MORC3: variants seen among roughly 807,000 people sequenced by gnomAD.
MORC3 encodes the protein MORC family CW-type zinc finger protein 3.
Under a neutral mutation model 109.1 loss-of-function variants are expected in MORC3, and 31 were observed. That is an observed-to-expected ratio of 0.28 (90% CI 0.21 to 0.38). The LOEUF is 0.38. Ranked by LOEUF, MORC3 falls within the 10% of genes least tolerant of loss-of-function variation. The pLI, the probability that MORC3 is intolerant of heterozygous loss-of-function variation, is 1.00. For missense variants in MORC3, 867 were observed against 1,135.8 expected (o/e 0.76, Z 3.40); for synonymous variants, 395 against 380.7 (o/e 1.04, Z -0.44).
intron 6 of MORC3, among the ~76,000 whole-genome samples, chr21:36,344,105 C>CT: frequency 6.6e-6 from 1 of 151,826 alleles, no homozygotes; most frequent in Non-Finnish European, 1.5e-5. Flanking sequence ...GTAGGAGAAG[C>CT]TTTTAAGTTT....
chr21:36,353,690 C>T (rs1038165747), intron 9 of MORC3, among the ~76,000 whole-genome samples: 4 of 150,904 alleles, frequency 2.7e-5, no homozygotes, highest in African/African-American at 7.3e-5. Flanking sequence ...AGCAATTCTC[C>T]CTATCTCAGC....
intron 1 of MORC3, among the ~76,000 whole-genome samples, chr21:36,323,261 C>G (rs1036250119): frequency 6.6e-6 from 1 of 152,184 alleles, no homozygotes; most frequent in Non-Finnish European, 1.5e-5. Context: ...GACTGCCATT[C>G]TGAAGCCTAC....
At chr21:36,356,299 T>C (rs1354252598) in intron 9 of MORC3, among the ~76,000 whole-genome samples, 2 of 152,234 alleles carry the variant, frequency 1.3e-5, no homozygotes, top group Non-Finnish European at 2.9e-5. Flanking sequence ...TAAAATAGAC[T>C]AGTATTTGCA....
chr21:36,347,136 T>C (rs1394180275), intron 8 of MORC3, among the ~76,000 whole-genome samples: 1 of 152,114 alleles, frequency 6.6e-6, no homozygotes, highest in Non-Finnish European at 1.5e-5. Flanking sequence ...ATGGATCCAT[T>C]GCATATTTTT....
In MORC3 at chr21:36,375,334, T is replaced by C; in HGVS notation, c.*38T>C. 1.3e-6 allele frequency: 2 copies of C among 1,556,972 alleles called. No homozygotes were observed. Among genetic ancestry groups the C allele is most frequent in the Non-Finnish European group, 1.8e-6 (2 of 1,140,994 alleles). On this transcript the variant is annotated 3_prime_UTR_variant, in exon 17 of 17. Transcript: ENST00000400485. ...GTAAGATAAAATATTTGCTCAATTC[T>C]TTTGGTTGTACAGCTTTCAAAATAT...
At chr21:36,370,030 G>A (rs562531714) in intron 15 of MORC3, among the ~76,000 whole-genome samples, 154 bp downstream of exon 15, 29 of 152,108 alleles carry the variant, frequency 1.9e-4, no homozygotes, top group Admixed American at 6.6e-4. Flanking sequence ...CAAGGAGTTC[G>A]AGACCAGCCT....
At chr21:36,328,981 A>G (rs2085282078) in intron 1 of MORC3, among the ~76,000 whole-genome samples, 1 of 151,996 alleles carries the variant, frequency 6.6e-6, no homozygotes, top group Non-Finnish European at 1.5e-5. Flanking sequence ...ATCACGAAAG[A>G]AACTTCATAA....
chr21:36,366,015 A>G (rs2085777146), intron 14 of MORC3, among the ~76,000 whole-genome samples: 1 of 152,172 alleles, frequency 6.6e-6, no homozygotes, highest in African/African-American at 2.4e-5. Flanking sequence ...TAGTTTATAG[A>G]TAAGAGATTA....
chr21:36,359,393 C>T (rs1271853137), intron 10 of MORC3, among the ~76,000 whole-genome samples: 2 of 152,146 alleles, frequency 1.3e-5, no homozygotes, highest in East Asian at 3.9e-4. Flanking sequence ...ACCTCAGCCT[C>T]CTGAGTATCT....
intron 1 of MORC3, 130 bp downstream of exon 1, chr21:36,320,433 G>A: frequency 1.1e-6 from 1 of 923,120 alleles, no homozygotes; most frequent in Non-Finnish European, 1.4e-6. Flanking sequence ...GGGGCCCGGG[G>A]AGGGGGCGGC....
intron 14 of MORC3, among the ~76,000 whole-genome samples, chr21:36,364,952 T>A (rs143043652): frequency 0.021 from 2,997 of 146,004 alleles, 54 homozygotes; most frequent in Admixed American, 0.048. Context: ...CTTGGGAGGC[T>A]GAGGCAAGAG....
Position 36,355,564 on chromosome 21 carries a change from C to T in MORC3, c.1104-1056C>T, listed in dbSNP as rs540483965. Reference sequence around the variant, plus strand: ...TAGGGTTAGCCTGTCCGTTCTTGGACTTAAATCCTGGTTTATGCTCCTCTT... The same window carrying T: ...TAGGGTTAGCCTGTCCGTTCTTGGATTTAAATCCTGGTTTATGCTCCTCTT... On this transcript the variant is annotated intron_variant, in intron 9 of 16. Transcript: ENST00000400485. Among the ~76,000 whole-genome samples, 10 of 152,286 alleles carry T rather than the reference C, an allele frequency of 6.6e-5. No homozygotes were observed. The South Asian group carries it at 2.1e-3, about 32-fold the overall frequency.
At chr21:36,338,572 C>T (rs905084742) in intron 4 of MORC3, among the ~76,000 whole-genome samples, 4 of 151,472 alleles carry the variant, frequency 2.6e-5, no homozygotes, top group South Asian at 2.1e-4. Flanking sequence ...TGCCTGTGGT[C>T]GGTCCCAGCT....
At chr21:36,341,372 G>A in intron 5 of MORC3, 27 bp from the exon 6 acceptor site, 2 of 1,584,358 alleles carry the variant, frequency 1.3e-6, no homozygotes, top group Non-Finnish European at 1.7e-6. Context: ...GTTAAATTTT[G>A]GTTCTTTCTA....
rs2085492197 is a variant in MORC3 at position 36,345,021 on chromosome 21, G to A, written c.995G>A (p.Cys332Tyr). The change falls in exon 8 of 17, where the codon TGT becomes TAT. Residue 332 changes from cysteine (C) to tyrosine (Y), a missense_variant. By Grantham distance (194) the Cys-to-Tyr change is radical. Around this residue, in one of 7 missense-constraint regions of MORC3, gnomAD observed 120 missense variants for 259.7 expected, o/e 0.46. Coordinates refer to ENST00000400485, the MANE Select transcript of MORC3 (RefSeq NM_015358.3). ...ATCAAAGCTTATGAAAAAGTTGGAT[G>A]TCAGTTAAGGGTAAGCTTTATTTTT... ...RLIKAYEKVG[C>Y]QLRANNMGVG... The A allele has an allele frequency of 4.4e-6, 7 of 1,602,264 alleles. No homozygotes were observed. Among genetic ancestry groups the A allele is most frequent in the African/African-American group, 1.3e-5 (1 of 74,194 alleles).
chr21:36,332,476 T>C (rs2085327819), intron 1 of MORC3, among the ~76,000 whole-genome samples: 1 of 152,174 alleles, frequency 6.6e-6, no homozygotes, highest in Non-Finnish European at 1.5e-5. Flanking sequence ...GAACAGGTTC[T>C]AAGCACTCTG....
intron 8 of MORC3, among the ~76,000 whole-genome samples, chr21:36,348,848 G>GTT (rs903899215): frequency 6.6e-6 from 1 of 151,576 alleles, no homozygotes; most frequent in African/African-American, 2.4e-5. Flanking sequence ...ACCTACCAGT[G>GTT]TTTTTTTCAG....
chr21:36,351,977 T>G (rs925053683), intron 9 of MORC3, among the ~76,000 whole-genome samples: 1 of 152,108 alleles, frequency 6.6e-6, no homozygotes, highest in African/African-American at 2.4e-5. Context: ...GAAAGGAAAT[T>G]TATGTCAGTC....
intron 2 of MORC3, among the ~76,000 whole-genome samples, chr21:36,335,172 C>T (rs1333176471): frequency 6.6e-6 from 1 of 151,838 alleles, no homozygotes; most frequent in African/African-American, 2.4e-5. Context: ...AAACATAAGC[C>T]TAATTGAAAA....
Sources: allele counts gnomAD v4.1 joint callset (sites outside exome capture counted in the v4.1 genomes callset), GRCh38; gene constraint gnomAD v4.1.1; regional missense constraint gnomAD v4.1.1; transcripts MANE v1.5; gene names NCBI Gene and HGNC (gene_info 2026-07-23, HGNC 2026-07-21).